Variants in ATP10D observed in about 807,000 individuals in gnomAD.
The protein encoded by ATP10D is phospholipid-transporting ATPase VD.
In ATP10D, 89 loss-of-function variants were observed where a neutral mutation model predicts 144.8. The observed-to-expected ratio is 0.61, with a 90% CI of 0.52 to 0.73. The LOEUF is 0.73. Ranked by LOEUF, ATP10D falls within the 30% of genes least tolerant of loss-of-function variation. ATP10D has a pLI of 0.00. For missense variants in ATP10D, 1,603 were observed against 1,714.8 expected, an observed-to-expected ratio of 0.93 and a Z score of 1.15; for synonymous variants, 571 against 615.1, an observed-to-expected ratio of 0.93 and a Z score of 1.06.
At chr4:47,559,931 C>T (rs1389806790) in intron 13 of ATP10D, among the ~76,000 whole-genome samples, 1 of 152,094 alleles carries the variant, frequency 6.6e-6, no homozygotes, top group Non-Finnish European at 1.5e-5. Context: ...ACCTGGGAGG[C>T]AGAGGTTGCA....
intron 11 of ATP10D, among the ~76,000 whole-genome samples, chr4:47,555,911 G>A (rs1329562429): frequency 6.6e-6 from 1 of 151,888 alleles, no homozygotes; most frequent in African/African-American, 2.4e-5. Flanking sequence ...CCACAACCAC[G>A]CCTGGCTAAT....
intron 1 of ATP10D, among the ~76,000 whole-genome samples, chr4:47,497,613 C>G (rs1715456831): frequency 6.6e-6 from 1 of 152,050 alleles, no homozygotes; most frequent in Non-Finnish European, 1.5e-5. Flanking sequence ...TTGAATCATA[C>G]TAGTATATAA....
intron 10 of ATP10D, among the ~76,000 whole-genome samples, chr4:47,548,606 CTGTCTT>C (rs1188572268): frequency 6.6e-6 from 1 of 152,288 alleles, no homozygotes; most frequent in East Asian, 1.9e-4. Flanking sequence ...ACTTACCAGG[CTGTCTT>C]TTCATCTGGG....
At chr4:47,564,465 A>C (rs1036754240) in intron 15 of ATP10D, among the ~76,000 whole-genome samples, 3 of 152,152 alleles carry the variant, frequency 2.0e-5, no homozygotes, top group Admixed American at 1.3e-4. Context: ...AAAAAGTGAT[A>C]GTTTTTATTG....
At chr4:47,538,409 A>G (rs748061105) in intron 9 of ATP10D, among the ~76,000 whole-genome samples, 1 of 151,992 alleles carries the variant, frequency 6.6e-6, no homozygotes, top group African/African-American at 2.4e-5. Context: ...TAGGATATCA[A>G]CCCTGATGTT....
intron 1 of ATP10D, among the ~76,000 whole-genome samples, chr4:47,494,070 A>T (rs945852487): frequency 7.2e-5 from 11 of 152,242 alleles, no homozygotes; most frequent in African/African-American, 2.4e-4. Context: ...AACTGAAAAC[A>T]ACAGTCAGAA....
At position 47,591,186 on chromosome 4, in the gene ATP10D, G is replaced by A. The variant is rs761225909; in HGVS notation, c.4086G>A (p.Lys1362=). The part of the protein sequence containing the change: ...GAGKMNQVTS[K]YANQSAGKSG... Reference sequence around the variant, plus strand: ...GAAAGATGAATCAAGTGACATCAAAGTATGCTAACCAATCAGCTGGCAAGT... The same window carrying A: ...GAAAGATGAATCAAGTGACATCAAAATATGCTAACCAATCAGCTGGCAAGT... The change falls in exon 23 of 23, where the codon AAG becomes AAA. Residue 1362 remains lysine (K), a synonymous_variant. Transcript: ENST00000273859. 5 of 1,613,596 alleles carry A rather than the reference G, an allele frequency of 3.1e-6. No homozygotes were observed. The highest frequency in any genetic ancestry group is 4.2e-6 in the Non-Finnish European group (5 of 1,179,632).
chr4:47,497,875 A>T (rs576558717), intron 1 of ATP10D, among the ~76,000 whole-genome samples: 5 of 152,316 alleles, frequency 3.3e-5, no homozygotes, highest in South Asian at 4.1e-4. Context: ...GGATATTAAC[A>T]TTCTTTCTGG....
At chr4:47,539,832 A>G (rs4296657) in intron 9 of ATP10D, among the ~76,000 whole-genome samples, 41,259 of 152,122 alleles carry the variant, frequency 0.27, 6,159 homozygotes, top group Admixed American at 0.35. Flanking sequence ...ATAACATTTC[A>G]AAGAGCTAAT....
At chr4:47,543,641 G>T (rs1019986943) in intron 9 of ATP10D, among the ~76,000 whole-genome samples, 2 of 152,146 alleles carry the variant, frequency 1.3e-5, no homozygotes, top group Non-Finnish European at 2.9e-5. Context: ...AATATAGTGG[G>T]TAGTGTGCTG....
chr4:47,520,634 CCTTGGCTCA>C (rs1716898796), intron 3 of ATP10D, among the ~76,000 whole-genome samples: 1 of 151,864 alleles, frequency 6.6e-6, no homozygotes, highest in South Asian at 2.1e-4. Context: ...AGTGGCGCAA[CCTTGGCTCA>C]CTGCAACCTC....
intron 1 of ATP10D, among the ~76,000 whole-genome samples, chr4:47,500,854 G>C (rs2109389605): frequency 6.6e-6 from 1 of 152,310 alleles, no homozygotes; most frequent in East Asian, 1.9e-4. Context: ...ATGTAAAGAG[G>C]AGAAAGGAAA....
At chr4:47,492,500 C>A (rs1172827635) in intron 1 of ATP10D, among the ~76,000 whole-genome samples, 2 of 152,058 alleles carry the variant, frequency 1.3e-5, no homozygotes, top group Non-Finnish European at 2.9e-5. Context: ...TAGTTTTGAT[C>A]TGCCTCTTAT....
At chr4:47,561,568 G>A (rs1453674290) in intron 14 of ATP10D, among the ~76,000 whole-genome samples, 2 of 152,126 alleles carry the variant, frequency 1.3e-5, no homozygotes, top group Admixed American at 6.5e-5. Context: ...TGGAGCTCAT[G>A]TTTGCCTGGC....
intron 1 of ATP10D, among the ~76,000 whole-genome samples, chr4:47,487,229 CCCAAAAAAAA>C (rs765675384): frequency 1.4e-4 from 2 of 14,138 alleles, no homozygotes; most frequent in Non-Finnish European, 3.5e-4. Flanking sequence ...AACTCCGTCC[CCCAAAAAAAA>C]AAAAAAAAAA....
rs141284146 is a variant in ATP10D at position 47,535,530 on chromosome 4, C to T, written c.798C>T (p.Arg266=). 156 of 1,611,990 alleles carry T rather than the reference C, an allele frequency of 9.7e-5. No individual in the cohort carries two copies. In the African/African-American group the frequency reaches 1.2e-3, roughly 12 times the overall value. Residue 266 remains arginine, a synonymous_variant, in exon 6 of 23, where the codon CGC becomes CGT. Coordinates refer to ENST00000273859, the MANE Select transcript of ATP10D (RefSeq NM_020453.4). ...RGFLEHSNKE[R]VGLSKENLLL... ...ATAGAGAACATTCCAACAAAGAACG[C>T]GTGGGTCTCAGTAAAGAAAATTTGT...
At chr4:47,495,754 T>TTG (rs1560406995) in intron 1 of ATP10D, among the ~76,000 whole-genome samples, 3 of 149,840 alleles carry the variant, frequency 2.0e-5, no homozygotes, top group South Asian at 2.1e-4. Context: ...TTTTTTTTTT[T>TTG]GAAATGCAGT....
intron 9 of ATP10D, among the ~76,000 whole-genome samples, chr4:47,543,210 A>G (rs1718248304): frequency 6.6e-6 from 1 of 152,144 alleles, no homozygotes; most frequent in African/African-American, 2.4e-5. Context: ...AACATTTATC[A>G]TAGGTATGTA....
chr4:47,536,845 C>G lies in ATP10D; in HGVS notation c.1303C>G (p.Leu435Val), dbSNP rs150738679. ...CGAGGATCTGGGACAGATTCAGTACCTCTTTTCCGATAAGACAGGAACCCT... is the reference window on the plus strand; with the variant it reads ...CGAGGATCTGGGACAGATTCAGTACGTCTTTTCCGATAAGACAGGAACCCT... ...IAEDLGQIQY[L>V]FSDKTGTLTE... The change falls in exon 9 of 23, where the codon CTC becomes GTC. Residue 435 changes from leucine (L) to valine (V), a missense_variant. Physicochemically the swap from Leu to Val is conservative, Grantham distance 32 (BLOSUM62 1). Coordinates refer to ENST00000273859, the MANE Select transcript of ATP10D (RefSeq NM_020453.4). 30 of 1,613,244 alleles carry G rather than the reference C, an allele frequency of 1.9e-5. No homozygotes were observed. Among genetic ancestry groups the G allele is most frequent in the Non-Finnish European group, 2.3e-5 (27 of 1,179,714 alleles).
Sources: gnomAD v4.1 joint callset for allele counts (sites outside exome capture counted in the v4.1 genomes callset) on GRCh38, gnomAD v4.1.1 for gene constraint, MANE v1.5 for transcripts, NCBI Gene and HGNC (gene_info 2026-07-23, HGNC 2026-07-21) for gene names.